The following DRICH1 variants were observed in gnomAD, a reference collection of about 807,000 sequenced individuals.
DRICH1 encodes aspartate rich 1.
DRICH1 carries 38 observed loss-of-function variants against 39.5 expected under a neutral mutation model. That is an observed-to-expected ratio of 0.96 (90% confidence interval 0.74 to 1.26). The LOEUF (loss-of-function observed/expected upper bound fraction) is 1.26. DRICH1 is among the 50% of genes most tolerant of loss of function. The pLI, the probability that DRICH1 is intolerant of heterozygous loss-of-function variation, is 0.00. For missense variants in DRICH1, 279 were observed against 270.4 expected (o/e 1.03, Z -0.22); for synonymous variants, 84 against 99.5 (o/e 0.84, Z 0.93).
Position 23,631,932 on chromosome 22 carries a change from T to C in DRICH1, c.92A>G (p.Tyr31Cys). The change falls in exon 1 of 12, where the codon TAT becomes TGT. Residue 31 changes from tyrosine to cysteine, a missense_variant. Transcript: ENST00000317749. ...TGATGTTGCAGCAGCCACAGTCTCA[T>C]AAATATCAGTATCAGATTCATAACA... ...APCYESDTDI[Y>C]ETVAAATSES... 6.2e-7 allele frequency: 1 copy of C among 1,613,792 alleles called. No homozygotes were observed. Among genetic ancestry groups the C allele is most frequent in the Non-Finnish European group, 8.5e-7 (1 of 1,180,026 alleles).
the DRICH1 span, among the ~76,000 whole-genome samples, chr22:23,596,087 C>T: frequency 4.6e-5 from 7 of 152,298 alleles, no homozygotes; most frequent in East Asian, 3.9e-4. Flanking sequence ...TATCACATTA[C>T]GTCATTTTTG....
chr22:23,583,335 C>T, the DRICH1 span: 2 of 152,164 alleles, frequency 1.3e-5, no homozygotes, highest in African/African-American at 2.4e-5. Flanking sequence ...TCCACGCCCC[C>T]GGGTGTGTCC....
the DRICH1 span, chr22:23,580,880 T>G: frequency 8.5e-5 from 13 of 152,368 alleles, no homozygotes; most frequent in African/African-American, 2.9e-4. Flanking sequence ...AATCATGAGA[T>G]AAGAATGAAA....
chr22:23,624,760 T>TCGCAGAA (rs1408039981), intron 3 of DRICH1, 123 bp downstream of exon 3: 7 of 1,185,200 alleles, frequency 5.9e-6, no homozygotes, highest in Admixed American at 1.8e-5. Flanking sequence ...AATTATACAC[T>TCGCAGAA]CGCAGAATCA....
intron 11 of DRICH1, among the ~76,000 whole-genome samples, chr22:23,609,117 T>C (rs1367852376): frequency 6.6e-6 from 1 of 152,132 alleles, no homozygotes; most frequent in Non-Finnish European, 1.5e-5. Flanking sequence ...GTCATTCAAC[T>C]GTAGCCCAGA....
At chr22:23,609,440 C>A (rs1010549812) in intron 11 of DRICH1, among the ~76,000 whole-genome samples, 2 of 152,184 alleles carry the variant, frequency 1.3e-5, no homozygotes, top group African/African-American at 2.4e-5. Context: ...TCAGAGGAGA[C>A]CCATCAGCAG....
intron 5 of DRICH1, among the ~76,000 whole-genome samples, chr22:23,620,004 G>A (rs533703491): frequency 1.3e-5 from 2 of 152,246 alleles, no homozygotes; most frequent in East Asian, 3.9e-4. Context: ...CTGAGATTTT[G>A]CAGTGCCAGA....
downstream of DRICH1, among the ~76,000 whole-genome samples, chr22:23,607,778 C>T (rs1325305136): frequency 1.3e-5 from 2 of 152,178 alleles, no homozygotes; most frequent in African/African-American, 2.4e-5. Flanking sequence ...ATGCAGCCTC[C>T]CCAGCCTCCC....
chr22:23,604,339 T>G (rs1926621628), downstream of DRICH1, among the ~76,000 whole-genome samples: 1 of 152,148 alleles, frequency 6.6e-6, no homozygotes, highest in Admixed American at 6.5e-5. Context: ...AGGTGTCCCC[T>G]GCACCTGTCA....
At position 23,625,908 on chromosome 22, in the gene DRICH1, T is replaced by A. The variant is rs544879149; in HGVS notation, c.276+73A>T. 424 of 1,238,078 alleles carry A rather than the reference T, an allele frequency of 3.4e-4. 2 individuals carry two copies. In the South Asian group the frequency reaches 4.9e-3, roughly 14 times the overall value. 76.7% of individuals were successfully genotyped at this position (1,238,078 alleles called of 1,614,324 possible). A position where few individuals can be genotyped will look rare whatever the true frequency, so the allele number is the denominator to read the frequency against. ...CAGGCCTCTGAGTCCATTCTTTGGG[T>A]TTAGATGGGTGAATTTGTTTCTGAC... On this transcript the variant is annotated intron_variant, in intron 2 of 11. Coordinates refer to ENST00000317749, the MANE Select transcript of DRICH1 (RefSeq NM_016449.4).
the DRICH1 span, among the ~76,000 whole-genome samples, chr22:23,603,375 C>T: frequency 6.6e-6 from 1 of 151,922 alleles, no homozygotes; most frequent in Non-Finnish European, 1.5e-5. Context: ...TGTGCCTCCT[C>T]CAGGTTCCTC....
intron 3 of DRICH1, 122 bp from the exon 4 acceptor site, chr22:23,622,298 T>C (rs1927794037): frequency 5.7e-6 from 5 of 882,364 alleles, no homozygotes; most frequent in Admixed American, 1.8e-5. Context: ...GAGTTAATGC[T>C]GGGCTATTCC....
chr22:23,616,211 T>G (rs572052669), intron 8 of DRICH1, among the ~76,000 whole-genome samples: 1 of 152,296 alleles, frequency 6.6e-6, no homozygotes, highest in South Asian at 2.1e-4. Context: ...CAGAATTAAG[T>G]AACTGCCTGT....
chr22:23,598,984 T>C, the DRICH1 span, among the ~76,000 whole-genome samples: 2 of 152,224 alleles, frequency 1.3e-5, no homozygotes, highest in African/African-American at 4.8e-5. Flanking sequence ...TTAACTGCTC[T>C]AGGCCTCAGT....
chr22:23,630,676 T>C (rs886287211), intron 1 of DRICH1: 1 of 152,166 alleles, frequency 6.6e-6, no homozygotes, highest in Admixed American at 6.5e-5. Context: ...TACACATTAA[T>C]TCACCCCTGG....
At chr22:23,631,541 G>C (rs1001172959) in intron 1 of DRICH1, among the ~76,000 whole-genome samples, 9 of 152,186 alleles carry the variant, frequency 5.9e-5, no homozygotes, top group African/African-American at 2.2e-4. Context: ...AAACCGGCCA[G>C]ATAGGTGAGG....
At chr22:23,616,701 C>T (rs1927368373) in intron 8 of DRICH1, 152 bp downstream of exon 8, 1 of 1,083,498 alleles carries the variant, frequency 9.2e-7, no homozygotes, top group Non-Finnish European at 1.4e-6. Flanking sequence ...ACACACATTT[C>T]TACAGCCCCT....
At position 23,617,613 on chromosome 22, in the gene DRICH1, C is replaced by T; in HGVS notation, c.481G>A (p.Glu161Lys). Reference sequence around the variant, plus strand: ...TCATCATCATCACAGTCATCATCTTCACTTCGTGGTAGGCATACTAAACTC... The same window carrying T: ...TCATCATCATCACAGTCATCATCTTTACTTCGTGGTAGGCATACTAAACTC... ...NLSLVCLPRS[E>K]DDDCDDDDDD... The change falls in exon 7 of 12, where the codon GAA (glutamate) becomes AAA (lysine). Residue 161 changes from glutamate (E) to lysine (K), a missense_variant. Coordinates refer to ENST00000317749, the MANE Select transcript of DRICH1 (RefSeq NM_016449.4). 2 of 1,614,156 alleles carry T rather than the reference C, an allele frequency of 1.2e-6. No homozygotes were observed. Among genetic ancestry groups the T allele is most frequent in the Non-Finnish European group, 1.7e-6 (2 of 1,180,016 alleles).
At chr22:23,620,230 C>G (rs548305114) in intron 5 of DRICH1, among the ~76,000 whole-genome samples, 1 of 152,186 alleles carries the variant, frequency 6.6e-6, no homozygotes, top group Non-Finnish European at 1.5e-5. Flanking sequence ...CATGAAGGTT[C>G]CTGGAAATGC....
Sources: allele counts gnomAD v4.1 joint callset (sites outside exome capture counted in the v4.1 genomes callset), GRCh38; gene constraint gnomAD v4.1.1; transcripts MANE v1.5; gene names NCBI Gene and HGNC (gene_info 2026-07-23, HGNC 2026-07-21).